UGGT2: variants seen among roughly 807,000 people sequenced by gnomAD.
UGGT2 encodes the protein UDP-glucose:glycoprotein glucosyltransferase 2.
In UGGT2, 180 loss-of-function variants were observed where a neutral mutation model predicts 192.1. That is an observed-to-expected ratio of 0.94 (90% CI 0.83 to 1.06). The LOEUF (loss-of-function observed/expected upper bound fraction) is 1.06. Among genes scored for constraint, UGGT2 ranks in the 50% least tolerant of loss-of-function variants. The pLI is 0.00. For missense variants in UGGT2, 1,849 were observed against 1,795.7 expected (o/e 1.03, Z -0.54); for synonymous variants, 580 against 591.0 (o/e 0.98, Z 0.27).
At chr13:95,821,219 G>T (rs898223128) in intron 38 of UGGT2, among the ~76,000 whole-genome samples, 1 of 152,074 alleles carries the variant, frequency 6.6e-6, no homozygotes, top group Non-Finnish European at 1.5e-5. Flanking sequence ...GGGTAAAAGT[G>T]TTCCCTTTTC....
At position 95,973,848 on chromosome 13, in the gene UGGT2, C is replaced by T. The variant is rs550365948; in HGVS notation, c.1093-1177G>A. Among the ~76,000 whole-genome samples the T allele has an allele frequency of 2.6e-5, 4 of 152,324 alleles. No individual in the cohort carries two copies. The East Asian group carries it at 7.7e-4, about 29-fold the overall frequency. Reference sequence around the variant, plus strand: ...ATCTATAAAATGGGAATAATTATATCTATCTCACATGTTTGCTATAGTTTA... The same window carrying T: ...ATCTATAAAATGGGAATAATTATATTTATCTCACATGTTTGCTATAGTTTA... On this transcript the variant is annotated intron_variant, in intron 10 of 38. Coordinates refer to ENST00000376747, the MANE Select transcript of UGGT2 (RefSeq NM_020121.4).
intron 17 of UGGT2, among the ~76,000 whole-genome samples, chr13:95,934,965 T>C (rs2049412371): frequency 6.6e-6 from 1 of 152,198 alleles, no homozygotes; most frequent in South Asian, 2.1e-4. Context: ...GCATATATAT[T>C]TGGGACACTT....
At chr13:95,992,204 T>A (rs1002854472) in intron 7 of UGGT2, among the ~76,000 whole-genome samples, 1 of 152,116 alleles carries the variant, frequency 6.6e-6, no homozygotes, top group Non-Finnish European at 1.5e-5. Context: ...CCATATGAAT[T>A]TTAGAATAGA....
intron 20 of UGGT2, among the ~76,000 whole-genome samples, chr13:95,913,307 C>T (rs2048565279): frequency 6.6e-6 from 1 of 152,182 alleles, no homozygotes; most frequent in Admixed American, 6.5e-5. Flanking sequence ...AGGCAACTTA[C>T]AGAATGGGAG....
chr13:95,878,806 T>C (rs1320669537), intron 27 of UGGT2, among the ~76,000 whole-genome samples: 1 of 152,206 alleles, frequency 6.6e-6, no homozygotes, highest in Non-Finnish European at 1.5e-5. Context: ...TGCAATTATC[T>C]CAGAAATAAT....
At chr13:95,804,868 G>T (rs2139724676) in intron 38 of UGGT2, among the ~76,000 whole-genome samples, 1 of 152,200 alleles carries the variant, frequency 6.6e-6, no homozygotes, top group South Asian at 2.1e-4. Context: ...AAATCTTCAT[G>T]ACACTGACAT....
intron 2 of UGGT2, among the ~76,000 whole-genome samples, chr13:96,024,881 T>C (rs769843756): frequency 5.9e-5 from 9 of 152,090 alleles, no homozygotes; most frequent in East Asian, 1.9e-4. Flanking sequence ...AGCAGACATT[T>C]TGGGGTTGGC....
Position 95,927,561 on chromosome 13 carries a change from T to C in UGGT2, c.1978-225A>G, listed in dbSNP as rs527697866. Among the ~76,000 whole-genome samples the C allele has an allele frequency of 4.6e-5, 7 of 152,168 alleles. No individual in the cohort carries two copies. The East Asian group carries it at 7.7e-4, about 17-fold the overall frequency. On this transcript the variant is annotated intron_variant, in intron 17 of 38. Transcript: ENST00000376747. ...CAATTTCACTTCACAACCAGAATCA[T>C]GGTAGTAACCATTTCTTGAGCACCT... is the stretch of plus-strand genomic sequence containing the variant.
chr13:95,995,131 G>A (rs1371925697), intron 7 of UGGT2, among the ~76,000 whole-genome samples: 1 of 152,004 alleles, frequency 6.6e-6, no homozygotes, highest in Non-Finnish European at 1.5e-5. Context: ...AATTCAATAT[G>A]TGGCAAAGGT....
At chr13:95,810,345 C>T (rs1467320396) in intron 38 of UGGT2, among the ~76,000 whole-genome samples, 2 of 152,054 alleles carry the variant, frequency 1.3e-5, no homozygotes, top group East Asian at 1.9e-4. Flanking sequence ...GAGGTGGCTA[C>T]GATATTATTA....
At chr13:95,958,753 G>A (rs908945626) in intron 12 of UGGT2, among the ~76,000 whole-genome samples, 4 of 152,142 alleles carry the variant, frequency 2.6e-5, no homozygotes, top group Admixed American at 1.3e-4. Context: ...AGAAGTGACA[G>A]GAGTACCCGA....
chr13:95,926,758 T>G (rs941755828), intron 19 of UGGT2, among the ~76,000 whole-genome samples: 1 of 152,186 alleles, frequency 6.6e-6, no homozygotes, highest in Non-Finnish European at 1.5e-5. Flanking sequence ...TATAAGATAG[T>G]TTACATAGTA....
intron 20 of UGGT2, among the ~76,000 whole-genome samples, chr13:95,922,273 T>C (rs946604717): frequency 1.3e-5 from 2 of 151,878 alleles, no homozygotes; most frequent in Non-Finnish European, 2.9e-5. Flanking sequence ...GACACAAATA[T>C]GGGAGTAGAC....
chr13:95,836,215 A>AT (rs1017828999), intron 37 of UGGT2, among the ~76,000 whole-genome samples: 2 of 152,008 alleles, frequency 1.3e-5, no homozygotes, highest in South Asian at 2.1e-4. Flanking sequence ...CGCCCAGCTA[A>AT]TTTTTTGTAA....
intron 12 of UGGT2, among the ~76,000 whole-genome samples, chr13:95,962,005 TGAA>T (rs1304781392): frequency 6.6e-6 from 1 of 151,596 alleles, no homozygotes; most frequent in Non-Finnish European, 1.5e-5. Context: ...AAGGAAGAAA[TGAA>T]GGAGGAAATA....
intron 12 of UGGT2, among the ~76,000 whole-genome samples, chr13:95,954,680 T>C (rs916841052): frequency 7.9e-5 from 12 of 152,198 alleles, no homozygotes; most frequent in African/African-American, 2.9e-4. Context: ...CCAGATTTCC[T>C]GCCTTTCCAG....
At chr13:96,012,160 A>G (rs2052181949) in intron 5 of UGGT2, among the ~76,000 whole-genome samples, 2 of 152,116 alleles carry the variant, frequency 1.3e-5, no homozygotes, top group Admixed American at 1.3e-4. Flanking sequence ...ACATGTCTAT[A>G]TGAAAAATTA....
intron 12 of UGGT2, among the ~76,000 whole-genome samples, chr13:95,965,226 C>G (rs1477076727): frequency 1.3e-5 from 2 of 150,834 alleles, no homozygotes; most frequent in Non-Finnish European, 2.9e-5. Context: ...TTTGACCCAG[C>G]CATCCCATTA....
intron 19 of UGGT2, among the ~76,000 whole-genome samples, chr13:95,926,223 A>C (rs2140432702): frequency 6.6e-6 from 1 of 152,298 alleles, no homozygotes; most frequent in East Asian, 1.9e-4. Context: ...AAATCATGGA[A>C]TCTGTTAGAC....
Sources: gnomAD v4.1 joint callset for allele counts (sites outside exome capture counted in the v4.1 genomes callset) on GRCh38, gnomAD v4.1.1 for gene constraint, MANE v1.5 for transcripts, NCBI Gene and HGNC (gene_info 2026-07-23, HGNC 2026-07-21) for gene names.